The following STK4 variants were observed in gnomAD, a reference collection of about 807,000 sequenced individuals.
The protein encoded by STK4 is serine/threonine-protein kinase 4.
In STK4, 30 loss-of-function variants were observed where a neutral mutation model predicts 64.9. The ratio of observed to expected loss-of-function variants is 0.46; its 90% CI spans 0.35 to 0.63. The LOEUF (loss-of-function observed/expected upper bound fraction) is 0.63. Ranked by LOEUF, STK4 falls within the 20% of genes least tolerant of loss-of-function variation. The pLI is 0.01. For missense variants in STK4, 466 were observed against 598.5 expected, an observed-to-expected ratio of 0.78 and a Z score of 2.31; for synonymous variants, 177 against 199.0, an observed-to-expected ratio of 0.89 and a Z score of 0.93.
In STK4 at chr20:45,074,635, A is replaced by G. The variant is rs892817232; in HGVS notation, c.1306-383A>G. Among the ~76,000 whole-genome samples, 36 of 152,194 alleles carry G rather than the reference A, an allele frequency of 2.4e-4. 1 individual carries two copies. Among genetic ancestry groups the G allele is most frequent in the African/African-American group, 8.7e-4 (36 of 41,454 alleles). On this transcript the variant is annotated intron_variant, in intron 10 of 10. Coordinates refer to ENST00000372806, the MANE Select transcript of STK4 (RefSeq NM_006282.5). Reference sequence around the variant, plus strand: ...GATAGACGCTTATCTCGTAGACAGAACAAGAACGGGGAGGCAACCATTATT... The same window carrying G: ...GATAGACGCTTATCTCGTAGACAGAGCAAGAACGGGGAGGCAACCATTATT...
intron 9 of STK4, among the ~76,000 whole-genome samples, chr20:45,023,730 G>A (rs931396885): frequency 6.6e-6 from 1 of 151,784 alleles, no homozygotes; most frequent in East Asian, 1.9e-4. Context: ...CTCTCTTAAC[G>A]GTTACTGCTA....
At chr20:45,001,092 A>G (rs143971456) in intron 8 of STK4, 75 bp from the exon 9 acceptor site, 1 of 1,448,118 alleles carries the variant, frequency 6.9e-7, no homozygotes, top group African/African-American at 1.4e-5. Context: ...TTTCACTAAG[A>G]CAGGTAGTAG....
Position 45,079,870 on chromosome 20 carries a change from AT to A in STK4, c.*4695del, listed in dbSNP as rs1980775826. On this transcript the variant is annotated 3_prime_UTR_variant, in exon 11 of 11. Transcript: ENST00000372806. Reference sequence around the variant, plus strand: ...AGTTTGAGATGCTTCCTGTGTTTTTATGTTAGAATTGTTGTTCTCCTTCTTT... The same window carrying A: ...AGTTTGAGATGCTTCCTGTGTTTTTAGTTAGAATTGTTGTTCTCCTTCTTT... 6.6e-6 allele frequency: 1 copy of A among 152,536 alleles called. No individual in the cohort carries two copies. The highest frequency in any genetic ancestry group is 2.4e-5 in the African/African-American group (1 of 41,504). 9.4% of individuals were successfully genotyped at this position (152,536 alleles called of 1,614,324 possible).
chr20:45,078,202 GTT>G lies in STK4; in HGVS notation c.*3028_*3029del. On this transcript the variant is annotated 3_prime_UTR_variant, in exon 11 of 11. Transcript: ENST00000372806. ...AAAAAAATCTCAGAATTCTTTTTTT[GTT>G]TGTGTTTTTTTTTTTTTTTGAGACA... is the stretch of plus-strand genomic sequence containing the variant. 1 of 145,600 alleles carries G rather than the reference GTT, an allele frequency of 6.9e-6. No individual in the cohort carries two copies. Among genetic ancestry groups the G allele is most frequent in the East Asian group, 2.0e-4 (1 of 5,028 alleles). 9.0% of individuals were successfully genotyped at this position (145,600 alleles called of 1,614,324 possible). A position where few individuals can be genotyped will look rare whatever the true frequency, so the allele number is the denominator to read the frequency against.
chr20:44,994,810 A>G (rs1225780711), intron 5 of STK4, among the ~76,000 whole-genome samples: 1 of 152,160 alleles, frequency 6.6e-6, no homozygotes, highest in Non-Finnish European at 1.5e-5. Flanking sequence ...TTAATTATTA[A>G]TTTAAAATTT....
chr20:45,060,549 A>G (rs886639360), intron 10 of STK4, among the ~76,000 whole-genome samples: 4 of 152,118 alleles, frequency 2.6e-5, no homozygotes, highest in African/African-American at 9.7e-5. Context: ...GCCAGGCTTT[A>G]CAGTCAGACA....
intron 9 of STK4, among the ~76,000 whole-genome samples, chr20:45,006,370 G>A (rs2067945626): frequency 6.6e-6 from 1 of 151,722 alleles, no homozygotes; most frequent in South Asian, 2.1e-4. Context: ...AAGCAGCTGG[G>A]ACTACAGGTG....
chr20:45,000,394 C>G lies in STK4; in HGVS notation c.834C>G (p.His278Gln), dbSNP rs754588774. ...TATTTTCTACTTTGTTCTTTTAGCA[C>G]CCATTTGTCAGGAGTGCCAAAGGAG... Reference protein sequence around the residue: ...QRATATQLLQHPFVRSAKGVS... With the variant: ...QRATATQLLQQPFVRSAKGVS... The change falls in exon 8 of 11, where the codon CAC becomes CAG. Residue 278 changes from histidine to glutamine, a missense_variant and splice_region_variant. His to Gln is a conservative substitution (Grantham distance 24). This residue lies in a region of STK4 where 276 missense variants were observed against 308.9 expected (regional missense o/e 0.89). Coordinates refer to ENST00000372806, the MANE Select transcript of STK4 (RefSeq NM_006282.5). The G allele has an allele frequency of 6.2e-7, 1 of 1,613,498 alleles. No homozygotes were observed. The highest frequency in any genetic ancestry group is 1.1e-5 in the South Asian group (1 of 91,024).
chr20:44,986,066 C>T (rs921540708), intron 4 of STK4, among the ~76,000 whole-genome samples: 1 of 152,116 alleles, frequency 6.6e-6, no homozygotes, highest in Non-Finnish European at 1.5e-5. Context: ...TTTTTCAGTG[C>T]CTACTGTGTG....
chr20:45,020,846 C>T (rs2068234642), intron 9 of STK4, among the ~76,000 whole-genome samples: 1 of 150,820 alleles, frequency 6.6e-6, no homozygotes, highest in African/African-American at 2.4e-5. Flanking sequence ...GGGTCTTGCT[C>T]TGTTACCCAG....
intron 7 of STK4, among the ~76,000 whole-genome samples, chr20:44,998,846 G>A (rs1307859662): frequency 2.0e-5 from 3 of 152,078 alleles, no homozygotes; most frequent in Non-Finnish European, 2.9e-5. Flanking sequence ...TGAGGCAGGC[G>A]GATCACTTGA....
intron 5 of STK4, among the ~76,000 whole-genome samples, chr20:44,992,267 A>ATTTTAT (rs113417404): frequency 6.8e-6 from 1 of 148,092 alleles, no homozygotes; most frequent in Non-Finnish European, 1.5e-5. Flanking sequence ...ATTTTATTTT[A>ATTTTAT]TTTTTTTTTG....
At chr20:45,002,181 T>G (rs2145699745) in intron 9 of STK4, among the ~76,000 whole-genome samples, 1 of 152,360 alleles carries the variant, frequency 6.6e-6, no homozygotes, top group South Asian at 2.1e-4. Context: ...TCTACTTGTC[T>G]TAAGGGGTTT....
chr20:45,001,639 T>C (rs1039782041), intron 9 of STK4, among the ~76,000 whole-genome samples: 10 of 152,190 alleles, frequency 6.6e-5, no homozygotes, highest in South Asian at 6.2e-4. Context: ...TTCCTTACCT[T>C]GATCTTTGGA....
intron 9 of STK4, among the ~76,000 whole-genome samples, chr20:45,005,241 C>T (rs2067917074): frequency 6.6e-6 from 1 of 152,178 alleles, no homozygotes; most frequent in Non-Finnish European, 1.5e-5. Context: ...ATCAGTATCT[C>T]TCTCCTCTTC....
intron 10 of STK4, among the ~76,000 whole-genome samples, chr20:45,063,025 C>G (rs1216587614): frequency 6.1e-5 from 2 of 32,654 alleles, no homozygotes; most frequent in Non-Finnish European, 1.2e-4. Flanking sequence ...TTTTTGGACA[C>G]AGGGTCTTGC....
chr20:44,972,232 T>G (rs2067260766), intron 2 of STK4, 74 bp downstream of exon 2: 1 of 1,352,694 alleles, frequency 7.4e-7, no homozygotes, highest in Admixed American at 1.9e-5. Context: ...CAGAAGGATA[T>G]GAACCTTTCA....
chr20:44,969,525 G>GTGAA (rs3044394), intron 1 of STK4, among the ~76,000 whole-genome samples: 67,241 of 147,626 alleles, frequency 0.46, 15,429 homozygotes, highest in Middle Eastern at 0.55. Context: ...GTGTGATTAA[G>GTGAA]TGATGACAGA....
intron 5 of STK4, among the ~76,000 whole-genome samples, chr20:44,992,893 G>T (rs888813570): frequency 1.3e-5 from 2 of 151,474 alleles, no homozygotes; most frequent in African/African-American, 4.9e-5. Context: ...ACGGGATTTC[G>T]CTATGTTTCC....
Sources: allele counts gnomAD v4.1 joint callset (sites outside exome capture counted in the v4.1 genomes callset), GRCh38; gene constraint gnomAD v4.1.1; regional missense constraint gnomAD v4.1.1; transcripts MANE v1.5; gene names NCBI Gene and HGNC (gene_info 2026-07-23, HGNC 2026-07-21).